The following CXorf38 variants were observed in gnomAD, a reference collection of about 807,000 sequenced individuals.
CXorf38 encodes the protein chromosome X open reading frame 38.
In CXorf38, 13 loss-of-function variants were observed where a neutral mutation model predicts 27.5. That is an observed-to-expected ratio of 0.47 (90% CI 0.31 to 0.75). The LOEUF is 0.75. CXorf38 is among the 30% of genes least tolerant of loss of function. The probability of loss-of-function intolerance (pLI) is 0.05; values close to 1 mark genes in which losing one functional copy is unlikely to be tolerated. For missense variants in CXorf38, 240 were observed against 253.2 expected, an observed-to-expected ratio of 0.95 and a Z score of 0.35; for synonymous variants, 100 against 99.8, an observed-to-expected ratio of 1.00 and a Z score of -0.01.
rs933088042 is a variant in CXorf38, at chrX:40,628,794, G to C, written c.*1370C>G. On this transcript the variant is annotated 3_prime_UTR_variant, in exon 7 of 7. Transcript: ENST00000327877. ...TCAAATATTCACTGAGCATGTGAGG[G>C]CCAGGCCCTGGGAGCTTACTTTTCA... 9.0e-6 allele frequency: 1 copy of C among 111,255 alleles called. No homozygotes were observed. Among genetic ancestry groups the C allele is most frequent in the Non-Finnish European group, 1.9e-5 (1 of 53,026 alleles). 9.2% of individuals were successfully genotyped at this position (111,255 alleles called of 1,213,427 possible). A position where few individuals can be genotyped will look rare whatever the true frequency, so the allele number is the denominator to read the frequency against.
At chrX:40,636,745 T>C in intron 4 of CXorf38, 33 bp from the exon 5 acceptor site, 1 of 1,122,751 alleles carries the variant, frequency 8.9e-7, no homozygotes, top group Non-Finnish European at 1.2e-6. Context: ...TATGAACTGA[T>C]TTCATGAAGA....
chrX:40,640,826 G>C (rs1193044328), intron 2 of CXorf38, among the ~76,000 whole-genome samples: 1 of 108,004 alleles, frequency 9.3e-6, no homozygotes, highest in Non-Finnish European at 1.9e-5. Flanking sequence ...TGTAATCCCA[G>C]CTACTTGGGA....
chrX:40,646,880 T>C (rs1928605757), intron 2 of CXorf38, 127 bp downstream of exon 2: 2 of 848,368 alleles, frequency 2.4e-6, no homozygotes, highest in South Asian at 5.3e-5. Flanking sequence ...CTGAACCGCC[T>C]AGACCCTTGA....
chrX:40,634,020 C>T (rs957801163), intron 5 of CXorf38, among the ~76,000 whole-genome samples: 7 of 111,438 alleles, frequency 6.3e-5, no homozygotes, highest in Non-Finnish European at 1.1e-4. Flanking sequence ...AAAAAAAAAT[C>T]TCACAGTCAC....
chrX:40,632,245 G>C (rs1338578472), intron 5 of CXorf38, among the ~76,000 whole-genome samples: 9 of 111,783 alleles, frequency 8.1e-5, no homozygotes, highest in African/African-American at 2.9e-4. Flanking sequence ...TTTGCCCTCA[G>C]TGGGGTGCCC....
At chrX:40,647,184 GTCGCGGTGGGCCCCGCA>G (rs771304602) in intron 1 of CXorf38, 43 bp from the exon 2 acceptor site, 13 of 1,203,188 alleles carry the variant, frequency 1.1e-5, no homozygotes, top group South Asian at 5.4e-5. Context: ...AGGGAGGGAC[GTCGCGGTGGGCCCCGCA>G]TCGCGGAGGG....
Position 40,639,127 on chromosome X carries a change from G to T in CXorf38, c.353C>A (p.Ala118Asp). 1.7e-6 allele frequency: 2 copies of T among 1,209,180 alleles called. No homozygotes were observed. The highest frequency in any genetic ancestry group is 2.2e-6 in the Non-Finnish European group (2 of 893,845). The change falls in exon 3 of 7, where the codon GCC becomes GAC. Residue 118 changes from alanine to aspartate, a missense_variant and splice_region_variant. Coordinates refer to ENST00000327877, the MANE Select transcript of CXorf38 (RefSeq NM_144970.3). Reference protein sequence around the residue: ...WPVDAWEVAKAFMPRGLADKQ... With the variant: ...WPVDAWEVAKDFMPRGLADKQ... The stretch of plus-strand genomic sequence containing the variant: ...GTCTGCTAGTCCTCGGGGCATGAAG[G>T]CCTATAGCAAGGGAGGGAGGAGGGG...
In CXorf38 at chrX:40,627,052, T is replaced by C. The variant is rs889771517; in HGVS notation, c.*3112A>G. Reference sequence around the variant, plus strand: ...AAATAGAAAAGCCGAATATTCCTTCTAACTCTCCCCTCTACCTCAATTCCC... The same window carrying C: ...AAATAGAAAAGCCGAATATTCCTTCCAACTCTCCCCTCTACCTCAATTCCC... On this transcript the variant is annotated 3_prime_UTR_variant, in exon 7 of 7. Transcript: ENST00000327877. The C allele has an allele frequency of 9.0e-6, 1 of 111,669 alleles. No homozygotes were observed. Among genetic ancestry groups the C allele is most frequent in the Admixed American group, 9.5e-5 (1 of 10,532 alleles). 9.2% of individuals were successfully genotyped at this position (111,669 alleles called of 1,213,427 possible). A position where few individuals can be genotyped will look rare whatever the true frequency, so the allele number is the denominator to read the frequency against.
At chrX:40,642,114 T>C (rs1278168253) in intron 2 of CXorf38, among the ~76,000 whole-genome samples, 1 of 110,893 alleles carries the variant, frequency 9.0e-6, no homozygotes. Context: ...AGAGTTGTGA[T>C]GTGGAGATGG....
Sources: gnomAD v4.1 joint callset for allele counts (sites outside exome capture counted in the v4.1 genomes callset) on GRCh38, gnomAD v4.1.1 for gene constraint, MANE v1.5 for transcripts, NCBI Gene and HGNC (gene_info 2026-07-23, HGNC 2026-07-21) for gene names.